CCDC85A: variants seen among roughly 807,000 people sequenced by gnomAD.
The protein encoded by CCDC85A is coiled-coil domain containing 85A.
CCDC85A carries 38 observed loss-of-function variants against 50.2 expected under a neutral mutation model. The ratio of observed to expected loss-of-function variants is 0.76; its 90% CI spans 0.58 to 0.99. The LOEUF (loss-of-function observed/expected upper bound fraction) is 0.99, where lower values mean the gene tolerates loss of function less well. CCDC85A is among the 50% of genes least tolerant of loss of function. The pLI is 0.00. For synonymous variants in CCDC85A, 366 were observed against 301.4 expected (o/e 1.21, Z -2.22); for missense variants, 820 against 742.0 (o/e 1.11, Z -1.22).
intron 2 of CCDC85A, among the ~76,000 whole-genome samples, chr2:56,261,704 G>C (rs752272310): frequency 6.6e-6 from 1 of 152,216 alleles, no homozygotes; most frequent in Non-Finnish European, 1.5e-5. Flanking sequence ...AAGAAACAAT[G>C]CTAGTGACTT....
chr2:56,339,027 G>A (rs1674223131), intron 2 of CCDC85A, among the ~76,000 whole-genome samples: 1 of 152,022 alleles, frequency 6.6e-6, no homozygotes, highest in Non-Finnish European at 1.5e-5. Flanking sequence ...TTGCAACAGG[G>A]GCTAAGAACC....
chr2:56,330,265 C>T (rs1673716450), intron 2 of CCDC85A, among the ~76,000 whole-genome samples: 3 of 152,072 alleles, frequency 2.0e-5, no homozygotes, highest in Non-Finnish European at 4.4e-5. Context: ...AGTTCTGTCG[C>T]CCAATTTATT....
chr2:56,323,591 G>A (rs980243295), intron 2 of CCDC85A, among the ~76,000 whole-genome samples: 4 of 151,972 alleles, frequency 2.6e-5, no homozygotes, highest in Non-Finnish European at 5.9e-5. Context: ...AGCTTATGTG[G>A]ATTATTTGGC....
chr2:56,342,145 G>C (rs1461585040), intron 2 of CCDC85A, among the ~76,000 whole-genome samples: 3 of 151,338 alleles, frequency 2.0e-5, no homozygotes, highest in South Asian at 2.1e-4. Context: ...TTCTGAGGCT[G>C]GTTGGTGTGC....
At chr2:56,330,716 T>C (rs1234919053) in intron 2 of CCDC85A, among the ~76,000 whole-genome samples, 1 of 152,156 alleles carries the variant, frequency 6.6e-6, no homozygotes, top group Non-Finnish European at 1.5e-5. Flanking sequence ...TGTGACAAAA[T>C]GCCATTTCCC....
At chr2:56,210,792 A>G (rs1489150027) in intron 2 of CCDC85A, among the ~76,000 whole-genome samples, 1 of 151,996 alleles carries the variant, frequency 6.6e-6, no homozygotes, top group African/African-American at 2.4e-5. Context: ...TCCTAGCAGA[A>G]CAAGGCAAAA....
At chr2:56,372,006 G>T (rs1472816466) in intron 3 of CCDC85A, among the ~76,000 whole-genome samples, 1 of 151,960 alleles carries the variant, frequency 6.6e-6, no homozygotes, top group Non-Finnish European at 1.5e-5. Flanking sequence ...TAATATCCAG[G>T]TAAAGCATAT....
At chr2:56,346,008 G>A (rs887161565) in intron 3 of CCDC85A, among the ~76,000 whole-genome samples, 2 of 152,142 alleles carry the variant, frequency 1.3e-5, no homozygotes, top group Non-Finnish European at 2.9e-5. Context: ...ATAAACAGAA[G>A]TAAGAATGTA....
intron 2 of CCDC85A, among the ~76,000 whole-genome samples, chr2:56,251,520 A>G (rs949174081): frequency 2.0e-5 from 3 of 151,472 alleles, no homozygotes; most frequent in African/African-American, 4.9e-5. Flanking sequence ...CTATTAATAA[A>G]TATTGTTTGT....
chr2:56,211,101 T>G (rs1055397530), intron 2 of CCDC85A, among the ~76,000 whole-genome samples: 5 of 152,078 alleles, frequency 3.3e-5, no homozygotes, highest in Admixed American at 6.6e-5. Context: ...ATCACTGTTC[T>G]TCCTTGGTTC....
At chr2:56,271,300 G>A (rs1670685814) in intron 2 of CCDC85A, among the ~76,000 whole-genome samples, 1 of 152,158 alleles carries the variant, frequency 6.6e-6, no homozygotes, top group Non-Finnish European at 1.5e-5. Context: ...TTGGTATATA[G>A]CATGCGTGTT....
At chr2:56,377,465 C>T (rs552280843) in intron 5 of CCDC85A, among the ~76,000 whole-genome samples, 20 of 152,264 alleles carry the variant, frequency 1.3e-4, no homozygotes, top group African/African-American at 2.4e-4. Flanking sequence ...GCCATTTCAG[C>T]CTGTTGCCTT....
intron 2 of CCDC85A, among the ~76,000 whole-genome samples, chr2:56,327,247 A>G (rs951748897): frequency 1.3e-5 from 2 of 152,196 alleles, no homozygotes; most frequent in Non-Finnish European, 2.9e-5. Flanking sequence ...TAACCCAGGA[A>G]TTGTGGGTGT....
At chr2:56,369,626 A>G (rs913519840) in intron 3 of CCDC85A, among the ~76,000 whole-genome samples, 3 of 152,156 alleles carry the variant, frequency 2.0e-5, no homozygotes, top group African/African-American at 7.2e-5. Context: ...AGGTCACTTC[A>G]TACTTTATTA....
At chr2:56,326,859 G>T (rs1162025710) in intron 2 of CCDC85A, among the ~76,000 whole-genome samples, 2 of 151,540 alleles carry the variant, frequency 1.3e-5, no homozygotes, top group Non-Finnish European at 2.9e-5. Flanking sequence ...TCTTAATCAG[G>T]TAATTTTTTC....
chr2:56,338,421 C>T (rs920938739), intron 2 of CCDC85A, among the ~76,000 whole-genome samples: 1 of 152,038 alleles, frequency 6.6e-6, no homozygotes, highest in African/African-American at 2.4e-5. Flanking sequence ...AGGGAAATAG[C>T]AGCATGGGGA....
chr2:56,316,122 T>C (rs1672909927), intron 2 of CCDC85A, among the ~76,000 whole-genome samples: 1 of 149,516 alleles, frequency 6.7e-6, no homozygotes, highest in Admixed American at 6.6e-5. Flanking sequence ...TCAAAATAAC[T>C]TAAGAGATTT....
At chr2:56,189,065 A>C (rs1271169708) in intron 1 of CCDC85A, among the ~76,000 whole-genome samples, 1 of 152,052 alleles carries the variant, frequency 6.6e-6, no homozygotes, top group East Asian at 1.9e-4. Flanking sequence ...GTGCCGGGGG[A>C]AACTTCTCAG....
intron 2 of CCDC85A, among the ~76,000 whole-genome samples, chr2:56,272,378 G>A (rs1023969725): frequency 2.6e-5 from 4 of 152,128 alleles, no homozygotes; most frequent in African/African-American, 9.7e-5. Flanking sequence ...CTTATAAGTA[G>A]TGTGTTTTAC....
Sources: gnomAD v4.1 joint callset for allele counts (sites outside exome capture counted in the v4.1 genomes callset) on GRCh38, gnomAD v4.1.1 for gene constraint, MANE v1.5 for transcripts, NCBI Gene and HGNC (gene_info 2026-07-23, HGNC 2026-07-21) for gene names.